PAPPA2: variants seen among roughly 807,000 people sequenced by gnomAD.
PAPPA2 encodes the protein pappalysin 2.
A neutral mutation model predicts 176.4 loss-of-function variants in PAPPA2; 86 were observed. The ratio of observed to expected loss-of-function variants is 0.49; its 90% CI spans 0.41 to 0.58. The LOEUF (loss-of-function observed/expected upper bound fraction) is 0.58. PAPPA2 is among the 20% of genes least tolerant of loss of function. The pLI, the probability that PAPPA2 is intolerant of heterozygous loss-of-function variation, is 0.00. For synonymous variants in PAPPA2, 809 were observed against 852.2 expected (o/e 0.95, Z 0.88); for missense variants, 2,073 against 2,256.9 (o/e 0.92, Z 1.65).
intron 10 of PAPPA2, among the ~76,000 whole-genome samples, chr1:176,707,242 T>C (rs960488653): frequency 1.3e-5 from 2 of 152,214 alleles, no homozygotes; most frequent in Non-Finnish European, 2.9e-5. Flanking sequence ...TAAAGTCGAA[T>C]GTGATTACAA....
chr1:176,801,503 A>G (rs560157614), intron 21 of PAPPA2, among the ~76,000 whole-genome samples: 1 of 152,292 alleles, frequency 6.6e-6, no homozygotes, highest in Non-Finnish European at 1.5e-5. Context: ...CGCATCAGGA[A>G]AAATGCTAGC....
chr1:176,833,513 C>T (rs571883933), intron 21 of PAPPA2, among the ~76,000 whole-genome samples: 38 of 152,358 alleles, frequency 2.5e-4, no homozygotes, highest in South Asian at 8.3e-4. Context: ...ATTCCTAGGA[C>T]AGCCATGGTT....
chr1:176,815,887 A>G (rs1666357895), intron 21 of PAPPA2, among the ~76,000 whole-genome samples: 1 of 152,030 alleles, frequency 6.6e-6, no homozygotes, highest in African/African-American at 2.4e-5. Flanking sequence ...ATTTTTACAT[A>G]AACAGTAGGG....
chr1:176,719,609 T>G (rs1661530102), intron 12 of PAPPA2, among the ~76,000 whole-genome samples: 1 of 152,182 alleles, frequency 6.6e-6, no homozygotes. Context: ...TCACAACTTA[T>G]TTTTTCATTT....
rs182585257 is a variant in PAPPA2, at chr1:176,814,112, T to C, written c.5202+13980T>C. ...TGGTTGTAGGTAGCAGTCTTATTTC[T>C]GAGTTCTCTATTCTGTTCCATTAGA... is the stretch of plus-strand genomic sequence containing the variant. On this transcript the variant is annotated intron_variant, in intron 21 of 22. Coordinates refer to ENST00000367662, the MANE Select transcript of PAPPA2 (RefSeq NM_020318.3). Among the ~76,000 whole-genome samples, 82 of 152,286 alleles carry C rather than the reference T, an allele frequency of 5.4e-4. No individual in the cohort carries two copies. In the East Asian group the frequency reaches 0.015, roughly 27 times the overall value.
Position 176,556,391 on chromosome 1 carries a change from C to T in PAPPA2, c.69C>T (p.Asn23=), listed in dbSNP as rs776049143. ...CTGGGTGGGCACTCTGTTCTGCCAA[C>T]TCTGAGCTGGGCTGGACACGCAAGA... The part of the protein sequence containing the change: ...ILAGWALCSA[N]SELGWTRKKS... Residue 23 remains asparagine, a synonymous_variant, in exon 2 of 23, where the codon AAC becomes AAT. Transcript: ENST00000367662. 1.9e-6 allele frequency: 3 copies of T among 1,614,198 alleles called. No homozygotes were observed. Among genetic ancestry groups the T allele is most frequent in the South Asian group, 1.1e-5 (1 of 91,084 alleles).
At chr1:176,514,437 A>G (rs1648787790) in intron 1 of PAPPA2, among the ~76,000 whole-genome samples, 3 of 152,096 alleles carry the variant, frequency 2.0e-5, no homozygotes, top group Admixed American at 2.0e-4. Context: ...TGGGGATCAA[A>G]TTTCAACGTG....
intron 21 of PAPPA2, among the ~76,000 whole-genome samples, chr1:176,820,605 C>A (rs1666622295): frequency 6.6e-6 from 1 of 152,180 alleles, no homozygotes; most frequent in Non-Finnish European, 1.5e-5. Context: ...ACATGTCATG[C>A]ATGGCATTTT....
chr1:176,487,462 A>C (rs185262266), intron 1 of PAPPA2, among the ~76,000 whole-genome samples: 1 of 152,324 alleles, frequency 6.6e-6, no homozygotes, highest in Admixed American at 6.5e-5. Context: ...TCAGAATCCA[A>C]CTGGGAAGTG....
intron 21 of PAPPA2, among the ~76,000 whole-genome samples, chr1:176,800,579 A>G (rs1453018816): frequency 6.6e-6 from 1 of 152,210 alleles, no homozygotes; most frequent in Non-Finnish European, 1.5e-5. Context: ...ATAACATTAC[A>G]CACATATGCA....
intron 3 of PAPPA2, among the ~76,000 whole-genome samples, chr1:176,634,984 TA>T (rs1656608921): frequency 6.6e-6 from 1 of 151,390 alleles, no homozygotes; most frequent in Non-Finnish European, 1.5e-5. Flanking sequence ...GATAGATAGA[TA>T]GATAGATAGA....
chr1:176,738,582 C>G (rs1281566205), intron 12 of PAPPA2, among the ~76,000 whole-genome samples: 1 of 152,134 alleles, frequency 6.6e-6, no homozygotes, highest in Non-Finnish European at 1.5e-5. Flanking sequence ...CCCTTAGAAC[C>G]TGATAAAAAG....
intron 3 of PAPPA2, among the ~76,000 whole-genome samples, chr1:176,651,450 A>G (rs1657720304): frequency 6.6e-6 from 1 of 151,272 alleles, no homozygotes; most frequent in African/African-American, 2.4e-5. Flanking sequence ...ACGATGTCCC[A>G]CTCCTTCCTG....
chr1:176,698,837 T>G (rs868317883), intron 7 of PAPPA2, among the ~76,000 whole-genome samples: 2 of 152,346 alleles, frequency 1.3e-5, no homozygotes, highest in Middle Eastern at 6.8e-3. Flanking sequence ...ACCTAGGATC[T>G]GGGTTGCTCC....
At chr1:176,798,137 T>A (rs193070453) in intron 20 of PAPPA2, among the ~76,000 whole-genome samples, 19 of 152,342 alleles carry the variant, frequency 1.2e-4, no homozygotes, top group African/African-American at 1.9e-4. Context: ...AATTGAATTA[T>A]GCATCATTAA....
chr1:176,671,172 C>T (rs1027097251), intron 4 of PAPPA2, 57 bp downstream of exon 4: 81 of 1,592,738 alleles, frequency 5.1e-5, no homozygotes, highest in Non-Finnish European at 6.7e-5. Context: ...CTGAAGGAAG[C>T]TTGCGAAAGT....
intron 1 of PAPPA2, among the ~76,000 whole-genome samples, chr1:176,464,575 T>C (rs1651525705): frequency 6.6e-6 from 1 of 152,162 alleles, no homozygotes; most frequent in African/African-American, 2.4e-5. Context: ...CCAGATGAGG[T>C]ACGATATTGG....
At chr1:176,683,226 C>T (rs1391888246) in intron 4 of PAPPA2, among the ~76,000 whole-genome samples, 1 of 151,888 alleles carries the variant, frequency 6.6e-6, no homozygotes, top group African/African-American at 2.4e-5. Context: ...TCTTTTCTTC[C>T]CCCACACCAT....
chr1:176,659,417 C>T (rs979474124), intron 3 of PAPPA2, among the ~76,000 whole-genome samples: 1 of 151,998 alleles, frequency 6.6e-6, no homozygotes, highest in African/African-American at 2.4e-5. Flanking sequence ...GAATCTGTCC[C>T]TGTGTCCAAA....
Sources: gnomAD v4.1 joint callset for allele counts (sites outside exome capture counted in the v4.1 genomes callset) on GRCh38, gnomAD v4.1.1 for gene constraint, MANE v1.5 for transcripts, NCBI Gene and HGNC (gene_info 2026-07-23, HGNC 2026-07-21) for gene names.